The following CNTNAP5 variants were observed in gnomAD, a reference collection of about 807,000 sequenced individuals.
CNTNAP5 encodes the protein contactin-associated protein-like 5.
Under a neutral mutation model 150.2 loss-of-function variants are expected in CNTNAP5, and 72 were observed. The ratio of observed to expected loss-of-function variants is 0.48; its 90% confidence interval spans 0.40 to 0.58. The LOEUF (loss-of-function observed/expected upper bound fraction) is 0.58, where lower values mean the gene tolerates loss of function less well. Among genes scored for constraint, CNTNAP5 ranks in the 20% least tolerant of loss-of-function variants. The pLI is 0.00. For missense variants in CNTNAP5, 1,636 were observed against 1,626.2 expected (o/e 1.01, Z -0.10); for synonymous variants, 672 against 619.8 (o/e 1.08, Z -1.25).
rs1474768898 is a variant in CNTNAP5, at chr2:124,221,664, T to C, written c.83-41T>C. ...CTTCTTATGGAATGTTTCTTGCTAA[T>C]AGAATCTGGTCTCTCTCCCTCTGTC... On this transcript the variant is annotated intron_variant, in intron 1 of 23. Transcript: ENST00000682447. The C allele has an allele frequency of 3.2e-6, 4 of 1,239,558 alleles. No homozygotes were observed. The African/African-American group carries it at 4.4e-5, about 14-fold the overall frequency. The allele number at this position is 1,239,558 out of a possible 1,614,324, so 76.8% of individuals were successfully genotyped here. A position where few individuals can be genotyped will look rare whatever the true frequency, so the allele number is the denominator to read the frequency against.
chr2:124,336,983 TCCCA>T (rs1360071598), intron 3 of CNTNAP5, among the ~76,000 whole-genome samples: 2 of 152,180 alleles, frequency 1.3e-5, no homozygotes, highest in African/African-American at 4.8e-5. Flanking sequence ...TAGTTTACAG[TCCCA>T]CCAACAGTGT....
intron 21 of CNTNAP5, among the ~76,000 whole-genome samples, chr2:124,881,467 G>T (rs113834305): frequency 0.016 from 2,377 of 152,220 alleles, 59 homozygotes; most frequent in African/African-American, 0.054. Context: ...TCTGGCCTGA[G>T]CCCGAGTTTA....
At chr2:124,433,857 A>G (rs1168976361) in intron 4 of CNTNAP5, among the ~76,000 whole-genome samples, 1 of 152,172 alleles carries the variant, frequency 6.6e-6, no homozygotes, top group Non-Finnish European at 1.5e-5. Context: ...TGCTTTGACA[A>G]TAAGGAATTA....
chr2:124,906,963 G>T (rs1678550620), intron 22 of CNTNAP5, among the ~76,000 whole-genome samples: 1 of 152,116 alleles, frequency 6.6e-6, no homozygotes, highest in South Asian at 2.1e-4. Flanking sequence ...AACATTTAAA[G>T]TCCCTAATTT....
chr2:124,605,273 T>C (rs941309956), intron 11 of CNTNAP5, among the ~76,000 whole-genome samples: 1 of 152,106 alleles, frequency 6.6e-6, no homozygotes, highest in African/African-American at 2.4e-5. Context: ...AAAGTCAAAT[T>C]TGGAGTTTTA....
intron 3 of CNTNAP5, among the ~76,000 whole-genome samples, chr2:124,283,641 G>T (rs779282456): frequency 1.3e-5 from 2 of 152,156 alleles, no homozygotes; most frequent in Non-Finnish European, 2.9e-5. Context: ...GAATGAAAGA[G>T]GGACTATTAG....
rs59743272 is a variant in CNTNAP5, at chr2:124,172,779, CTGTGTG to C, written c.83-48908_83-48903del. ...TCTCTCTCTGGCTCTCTCTCTCTCT[CTGTGTG>C]TGTGTGTGTGTGTGTGTACATGTGT... is the stretch of plus-strand genomic sequence containing the variant. On this transcript the variant is annotated intron_variant, in intron 1 of 23. Coordinates refer to ENST00000682447, the MANE Select transcript of CNTNAP5 (RefSeq NM_001367498.1). Among the ~76,000 whole-genome samples, 282 of 148,456 alleles carry C rather than the reference CTGTGTG, an allele frequency of 1.9e-3. 1 individual carries two copies. Among genetic ancestry groups the C allele is most frequent in the Middle Eastern group, 3.4e-3 (1 of 292 alleles).
chr2:124,539,568 C>T (rs1695328063), intron 10 of CNTNAP5, among the ~76,000 whole-genome samples: 1 of 152,148 alleles, frequency 6.6e-6, no homozygotes, highest in African/African-American at 2.4e-5. Flanking sequence ...TCTTAGCTCC[C>T]CTAGTTGTCA....
intron 3 of CNTNAP5, among the ~76,000 whole-genome samples, chr2:124,353,286 C>CAAAAAAAAAAAAAAAAAA (rs565907115): frequency 4.5e-5 from 4 of 88,262 alleles, no homozygotes; most frequent in Admixed American, 2.7e-4. Flanking sequence ...AAAAACAGAC[C>CAAAAAAAAAAAAAAAAAA]AAAAAAAAAA....
intron 3 of CNTNAP5, among the ~76,000 whole-genome samples, chr2:124,339,197 A>G (rs1489106102): frequency 1.3e-5 from 2 of 152,150 alleles, no homozygotes; most frequent in Non-Finnish European, 2.9e-5. Flanking sequence ...TTAGCTAGAA[A>G]GTTCTAGAAC....
At chr2:124,347,428 C>T (rs1425446565) in intron 3 of CNTNAP5, among the ~76,000 whole-genome samples, 6 of 152,118 alleles carry the variant, frequency 3.9e-5, no homozygotes, top group Non-Finnish European at 8.8e-5. Flanking sequence ...ACAAATTTAC[C>T]AGGAAACCTC....
At chr2:124,222,710 G>A (rs931445456) in intron 2 of CNTNAP5, among the ~76,000 whole-genome samples, 3 of 147,726 alleles carry the variant, frequency 2.0e-5, no homozygotes, top group African/African-American at 7.5e-5. Flanking sequence ...TCTGGAATAA[G>A]TTCTAATTGG....
chr2:124,453,001 T>C (rs1374632064), intron 6 of CNTNAP5, among the ~76,000 whole-genome samples: 1 of 152,132 alleles, frequency 6.6e-6, no homozygotes, highest in Non-Finnish European at 1.5e-5. Flanking sequence ...ACACTAGCTT[T>C]CCAGCAATGG....
intron 13 of CNTNAP5, among the ~76,000 whole-genome samples, chr2:124,735,813 T>C (rs2105132225): frequency 6.6e-6 from 1 of 152,342 alleles, no homozygotes; most frequent in East Asian, 1.9e-4. Context: ...ATGAGTATCT[T>C]CACAGCTTTG....
chr2:124,300,499 A>AG (rs796083100), intron 3 of CNTNAP5, among the ~76,000 whole-genome samples: 2 of 152,236 alleles, frequency 1.3e-5, no homozygotes, highest in African/African-American at 4.8e-5. Flanking sequence ...CATGGAGCAG[A>AG]GAATAGAGCA....
At position 124,478,006 on chromosome 2, in the gene CNTNAP5, T is replaced by C. The variant is rs550545924; in HGVS notation, c.1062+3124T>C. Among the ~76,000 whole-genome samples the C allele has an allele frequency of 4.6e-5, 7 of 152,214 alleles. No individual in the cohort carries two copies. The South Asian group carries it at 1.4e-3, about 32-fold the overall frequency. Reference sequence around the variant, plus strand: ...AGTATAAAAGCCTGAGCTTTAGATATAAATAACTAAGATCCCTATAGTAAT... The same window carrying C: ...AGTATAAAAGCCTGAGCTTTAGATACAAATAACTAAGATCCCTATAGTAAT... On this transcript the variant is annotated intron_variant, in intron 7 of 23. Transcript: ENST00000682447.
chr2:124,664,011 A>G (rs1193817061), intron 13 of CNTNAP5, among the ~76,000 whole-genome samples: 2 of 152,150 alleles, frequency 1.3e-5, no homozygotes, highest in African/African-American at 4.8e-5. Context: ...AAAAACAGTA[A>G]CTGGGTCATA....
chr2:124,660,702 G>A (rs928502199), intron 13 of CNTNAP5, among the ~76,000 whole-genome samples: 2 of 151,928 alleles, frequency 1.3e-5, no homozygotes, highest in African/African-American at 4.8e-5. Context: ...GAATACTGTA[G>A]GCAACTATAA....
At chr2:124,279,224 A>AGTGT (rs10564494) in intron 3 of CNTNAP5, among the ~76,000 whole-genome samples, 29 of 150,152 alleles carry the variant, frequency 1.9e-4, no homozygotes, top group African/African-American at 3.9e-4. Context: ...AACTGTAGGA[A>AGTGT]GTGTGTGTGT....
Sources: gnomAD v4.1 joint callset for allele counts (sites outside exome capture counted in the v4.1 genomes callset) on GRCh38, gnomAD v4.1.1 for gene constraint, MANE v1.5 for transcripts, NCBI Gene and HGNC (gene_info 2026-07-23, HGNC 2026-07-21) for gene names.